Variants in CFTR observed in about 807,000 individuals in gnomAD.
The protein encoded by CFTR is cystic fibrosis transmembrane conductance regulator.
In CFTR, 181 loss-of-function variants were observed where a neutral mutation model predicts 171.6. The observed-to-expected ratio is 1.05, with a 90% CI of 0.93 to 1.19. The LOEUF (loss-of-function observed/expected upper bound fraction) is 1.19. Ranked by LOEUF, CFTR falls within the 50% of genes most tolerant of loss-of-function variation. The pLI is 0.00. For synonymous variants in CFTR, 583 were observed against 608.0 expected, an observed-to-expected ratio of 0.96 and a Z score of 0.60; for missense variants, 1,968 against 1,734.7, an observed-to-expected ratio of 1.13 and a Z score of -2.39.
At chr7:117,579,497 G>C (rs1408582445) in intron 11 of CFTR, among the ~76,000 whole-genome samples, 3 of 151,706 alleles carry the variant, frequency 2.0e-5, no homozygotes, top group Non-Finnish European at 1.5e-5. Context: ...TTTTCTTATA[G>C]ATATGCTTAA....
intron 11 of CFTR, among the ~76,000 whole-genome samples, chr7:117,576,624 T>C (rs1791774133): frequency 6.6e-6 from 1 of 152,092 alleles, no homozygotes; most frequent in Non-Finnish European, 1.5e-5. Flanking sequence ...TTATTTAACT[T>C]TTTTTATTAC....
intron 3 of CFTR, among the ~76,000 whole-genome samples, chr7:117,529,820 C>A (rs1584784433): frequency 6.6e-6 from 1 of 152,208 alleles, no homozygotes; most frequent in East Asian, 1.9e-4. Flanking sequence ...TTGGCAATAC[C>A]AGGGGTAGGC....
At chr7:117,643,836 T>G (rs1792956162) in intron 23 of CFTR, among the ~76,000 whole-genome samples, 1 of 152,188 alleles carries the variant, frequency 6.6e-6, no homozygotes, top group Admixed American at 6.6e-5. Context: ...TTTATTGTTC[T>G]TGTTCACACA....
chr7:117,570,212 C>CA (rs1193877560), intron 11 of CFTR, among the ~76,000 whole-genome samples: 1 of 147,664 alleles, frequency 6.8e-6, no homozygotes, highest in Admixed American at 6.7e-5. Context: ...AAAAAACAAA[C>CA]AAAAAAACAA....
At chr7:117,639,017 T>C (rs1180448967) in intron 22 of CFTR, among the ~76,000 whole-genome samples, 1 of 152,098 alleles carries the variant, frequency 6.6e-6, no homozygotes, top group Admixed American at 6.6e-5. Context: ...AAAAAAGCAG[T>C]TGAAATTTAG....
chr7:117,591,987 T>C lies in CFTR; in HGVS notation c.1820T>C (p.Met607Thr). The C allele has an allele frequency of 6.3e-7, 1 of 1,598,074 alleles. No homozygotes were observed. Among genetic ancestry groups the C allele is most frequent in the Admixed American group, 1.8e-5 (1 of 55,806 alleles). The change falls in exon 14 of 27, where the codon ATG becomes ACG. Residue 607 changes from methionine (M) to threonine (T), a missense_variant. Met to Thr is a moderately conservative substitution (Grantham distance 81). Coordinates refer to ENST00000003084, the MANE Select transcript of CFTR (RefSeq NM_000492.4). ...NKTRILVTSKMEHLKKADKIL... is the reference protein window; with the variant it reads ...NKTRILVTSKTEHLKKADKIL... ...ACTAGGATTTTGGTCACTTCTAAAA[T>C]GGAACATTTAAAGAAAGCTGACAAA...
chr7:117,632,478 G>A (rs1377640493), intron 22 of CFTR, among the ~76,000 whole-genome samples: 10 of 151,554 alleles, frequency 6.6e-5, no homozygotes, highest in East Asian at 2.0e-4. Flanking sequence ...CAGGAGGATC[G>A]CTTGAGCCCA....
chr7:117,612,879 C>G (rs972455123), intron 20 of CFTR, among the ~76,000 whole-genome samples: 24 of 152,116 alleles, frequency 1.6e-4, no homozygotes, highest in African/African-American at 5.8e-4. Context: ...AGGGCTATGC[C>G]ACATTGACTT....
chr7:117,547,354 G>A (rs764498745), intron 9 of CFTR, among the ~76,000 whole-genome samples: 1 of 152,022 alleles, frequency 6.6e-6, no homozygotes, highest in Non-Finnish European at 1.5e-5. Context: ...TCAAAACCCT[G>A]AAGCTGCAGT....
chr7:117,549,870 T>G (rs538730933), intron 10 of CFTR, among the ~76,000 whole-genome samples: 17 of 151,166 alleles, frequency 1.1e-4, no homozygotes, highest in South Asian at 4.2e-4. Flanking sequence ...AGGAAGGAAG[T>G]AAGAGGGAAG....
chr7:117,500,453 A>G (rs1228322398), intron 1 of CFTR, among the ~76,000 whole-genome samples: 2 of 150,530 alleles, frequency 1.3e-5, no homozygotes, highest in Non-Finnish European at 3.0e-5. Flanking sequence ...TGCCTGGCTA[A>G]TTTTTTTTGT....
chr7:117,653,855 A>G (rs1793122765), intron 24 of CFTR, among the ~76,000 whole-genome samples: 1 of 152,220 alleles, frequency 6.6e-6, no homozygotes, highest in African/African-American at 2.4e-5. Context: ...CTCTTTAGGC[A>G]GATTGCTCTC....
At chr7:117,482,483 A>G (rs1045744517) in intron 1 of CFTR, among the ~76,000 whole-genome samples, 1 of 152,162 alleles carries the variant, frequency 6.6e-6, no homozygotes, top group African/African-American at 2.4e-5. Flanking sequence ...ATATATATAT[A>G]TAAAATAAAC....
intron 15 of CFTR, among the ~76,000 whole-genome samples, chr7:117,596,134 C>T (rs900323763): frequency 2.7e-5 from 4 of 150,512 alleles, no homozygotes; most frequent in African/African-American, 7.3e-5. Context: ...CCTCAGCTTG[C>T]GGGGAGGTGT....
At chr7:117,545,195 C>T (rs1799119337) in intron 9 of CFTR, among the ~76,000 whole-genome samples, 1 of 152,136 alleles carries the variant, frequency 6.6e-6, no homozygotes, top group African/African-American at 2.4e-5. Context: ...TTTATTAAAC[C>T]ACCAGGTCTT....
At chr7:117,627,848 AG>A in intron 22 of CFTR, 78 bp downstream of exon 22, 1 of 1,406,216 alleles carries the variant, frequency 7.1e-7, no homozygotes, top group Non-Finnish European at 1.0e-6. Flanking sequence ...ATGTGTTAGC[AG>A]AATCTATTTG....
rs1800502 is a variant in CFTR, at chr7:117,535,451, A to G, written c.743+40A>G. The G allele has an allele frequency of 0.049, 77,546 of 1,595,360 alleles. 2,120 individuals are homozygous for G. Among genetic ancestry groups the G allele is most frequent in the Non-Finnish European group, 0.054 (63,265 of 1,165,280 alleles). On this transcript the variant is annotated intron_variant, in intron 6 of 26. Transcript: ENST00000003084. ...TCATAACTTGAAAGTTTTAAAAATTATGTTTTCAAAAAGCCCACTTTAGTA... is the reference window on the plus strand; with the variant it reads ...TCATAACTTGAAAGTTTTAAAAATTGTGTTTTCAAAAAGCCCACTTTAGTA...
At chr7:117,590,243 T>C in intron 12 of CFTR, 110 bp from the exon 13 acceptor site, 9 of 1,270,856 alleles carry the variant, frequency 7.1e-6, no homozygotes, top group Non-Finnish European at 9.9e-6. Flanking sequence ...AGTGAATCGA[T>C]GTGGTGACCA....
chr7:117,576,442 C>T (rs1490088187), intron 11 of CFTR, among the ~76,000 whole-genome samples: 1 of 152,066 alleles, frequency 6.6e-6, no homozygotes, highest in African/African-American at 2.4e-5. Flanking sequence ...GCATATGTTA[C>T]ATGCAAATAC....
Sources: allele counts gnomAD v4.1 joint callset (sites outside exome capture counted in the v4.1 genomes callset), GRCh38; gene constraint gnomAD v4.1.1; transcripts MANE v1.5; gene names NCBI Gene and HGNC (gene_info 2026-07-23, HGNC 2026-07-21).